Variants in TPR observed in about 807,000 individuals in gnomAD.
TPR encodes the protein translocated promoter region, nuclear basket protein, also known as nucleoprotein TPR.
A neutral mutation model predicts 316.1 loss-of-function variants in TPR; 51 were observed. The ratio of observed to expected loss-of-function variants is 0.16; its 90% CI spans 0.13 to 0.20. The LOEUF (loss-of-function observed/expected upper bound fraction) is 0.20, where lower values mean the gene tolerates loss of function less well. Among genes scored for constraint, TPR ranks in the 10% least tolerant of loss-of-function variants. The probability of loss-of-function intolerance (pLI) is 1.00; values close to 1 mark genes in which losing one functional copy is unlikely to be tolerated. For missense variants in TPR, 2,272 were observed against 2,754.8 expected, an observed-to-expected ratio of 0.82 and a Z score of 3.92; for synonymous variants, 981 against 914.7, an observed-to-expected ratio of 1.07 and a Z score of -1.31.
At chr1:186,369,958 A>AGATCCAT (rs1166351501) in intron 3 of TPR, among the ~76,000 whole-genome samples, 1 of 152,052 alleles carries the variant, frequency 6.6e-6, no homozygotes, top group Non-Finnish European at 1.5e-5. Flanking sequence ...CCTCGGTTAC[A>AGATCCAT]GATCCATAGT....
intron 49 of TPR, among the ~76,000 whole-genome samples, chr1:186,315,371 C>G (rs1395254499): frequency 1.3e-5 from 2 of 152,012 alleles, no homozygotes; most frequent in African/African-American, 4.8e-5. Flanking sequence ...AACAAAATAT[C>G]AAGTCCCTCA....
chr1:186,345,559 T>C, intron 24 of TPR, 21 bp downstream of exon 24: 1 of 1,552,618 alleles, frequency 6.4e-7, no homozygotes, highest in Non-Finnish European at 8.9e-7. Context: ...AGCTCATTTC[T>C]CAATAATTGG....
chr1:186,332,907 TGTTA>T (rs1270897545), intron 37 of TPR, among the ~76,000 whole-genome samples: 2 of 152,136 alleles, frequency 1.3e-5, no homozygotes, highest in African/African-American at 4.8e-5. Context: ...TGAAATAAAA[TGTTA>T]GTAATATATT....
intron 42 of TPR, among the ~76,000 whole-genome samples, chr1:186,325,070 A>ATAAAGGG (rs1657879298): frequency 6.6e-6 from 1 of 152,134 alleles, no homozygotes. Context: ...TAAAATGAGA[A>ATAAAGGG]TATATCTTGC....
Position 186,334,377 on chromosome 1 carries a change from A to G in TPR, c.5130T>C (p.Thr1710=). The G allele has an allele frequency of 6.2e-7, 1 of 1,613,486 alleles. No homozygotes were observed. Among genetic ancestry groups the G allele is most frequent in the Non-Finnish European group, 8.5e-7 (1 of 1,179,658 alleles). Residue 1710 remains threonine, a synonymous_variant, in exon 36 of 51, where the codon ACT becomes ACC. Coordinates refer to ENST00000367478, the MANE Select transcript of TPR (RefSeq NM_003292.3). ...MVTPATVTNP[T]TTPTATVMPT... is the part of the protein sequence containing the mutation. Reference sequence around the variant, plus strand: ...GCATCACTGTAGCTGTTGGGGTAGTAGTGGGATTTGTAACAGTTGCAGGTG... The same window carrying G: ...GCATCACTGTAGCTGTTGGGGTAGTGGTGGGATTTGTAACAGTTGCAGGTG...
At chr1:186,323,963 T>C in intron 42 of TPR, 93 bp from the exon 43 acceptor site, 3 of 1,284,846 alleles carry the variant, frequency 2.3e-6, no homozygotes, top group Non-Finnish European at 3.2e-6. Flanking sequence ...CCAACAGGAA[T>C]GTTCACCGTA....
At position 186,333,179 on chromosome 1, in the gene TPR, C is replaced by T. The variant is rs1658226084; in HGVS notation, c.5398G>A (p.Val1800Ile). 1 of 1,613,536 alleles carries T rather than the reference C, an allele frequency of 6.2e-7. No individual in the cohort carries two copies. ...CGCTCAACTGGTGAACTCTGAACAA[C>T]CTCTACTATGTTTGAAGATAACTCT... is the stretch of plus-strand genomic sequence containing the variant. Reference protein sequence around the residue: ...NQELSSNIVEVVQSSPVERPS... With the variant: ...NQELSSNIVEIVQSSPVERPS... Residue 1800 changes from valine to isoleucine, a missense_variant, in exon 37 of 51, where the codon GTT (valine) becomes ATT (isoleucine). Coordinates refer to ENST00000367478, the MANE Select transcript of TPR (RefSeq NM_003292.3).
chr1:186,368,699 T>C (rs1300931018), intron 3 of TPR, among the ~76,000 whole-genome samples: 1 of 152,230 alleles, frequency 6.6e-6, no homozygotes, highest in Non-Finnish European at 1.5e-5. Flanking sequence ...AAGCTACCTA[T>C]GTCAGAACTG....
chr1:186,349,422 G>T (rs752812749), intron 21 of TPR, among the ~76,000 whole-genome samples: 14 of 152,130 alleles, frequency 9.2e-5, no homozygotes, highest in Non-Finnish European at 1.8e-4. Context: ...GGGAGGCCGC[G>T]GCGGGCAGAG....
In TPR at chr1:186,334,973, A is replaced by G. The variant is rs190490101; in HGVS notation, c.4973+95T>C. The stretch of plus-strand genomic sequence containing the variant: ...TCTTTAGTGTATGTTTTTACAATAG[A>G]ATACACAGATTTCTTTTTCCTAAAC... On this transcript the variant is annotated intron_variant, in intron 35 of 50. Coordinates refer to ENST00000367478, the MANE Select transcript of TPR (RefSeq NM_003292.3). 3.5e-5 allele frequency: 44 copies of G among 1,269,626 alleles called. 1 individual carries two copies. In the Middle Eastern group the frequency reaches 8.7e-4, roughly 25 times the overall value. The allele number at this position is 1,269,626 out of a possible 1,614,324, so 78.6% of individuals were successfully genotyped here. A position where few individuals can be genotyped will look rare whatever the true frequency, so the allele number is the denominator to read the frequency against.
chr1:186,346,273 C>T lies in TPR; in HGVS notation c.2958G>A (p.Val986=), dbSNP rs2101969849. 6.2e-7 allele frequency: 1 copy of T among 1,612,512 alleles called. No homozygotes were observed. Among genetic ancestry groups the T allele is most frequent in the Non-Finnish European group, 8.5e-7 (1 of 1,179,414 alleles). The change falls in exon 23 of 51, where the codon GTG becomes GTA. Residue 986 remains valine (V), a synonymous_variant. Transcript: ENST00000367478. ...TTAAACGAACTTCAATATTCTTACG[C>T]ACTTCTTCTGTCACCTTTACCATAT... ...LNKEKQVTEE[V]RKNIEVRLKE...
intron 11 of TPR, 67 bp from the exon 12 acceptor site, chr1:186,360,063 T>G: frequency 6.6e-7 from 1 of 1,516,404 alleles, no homozygotes; most frequent in Non-Finnish European, 9.0e-7. Flanking sequence ...TGATCTAGTT[T>G]CATAATAAAC....
Position 186,313,046 on chromosome 1 carries a change from G to A in TPR, c.*925C>T. 3.7e-6 allele frequency: 3 copies of A among 818,928 alleles called. No homozygotes were observed. Among genetic ancestry groups the A allele is most frequent in the Non-Finnish European group, 5.8e-6 (3 of 514,708 alleles). 50.7% of individuals were successfully genotyped at this position (818,928 alleles called of 1,614,324 possible). ...GCTGTGGAAAAGAGTTAAGACTTTT[G>A]CTTTAATTTCAATTAAAATGATGGC... On this transcript the variant is annotated 3_prime_UTR_variant, in exon 51 of 51. Coordinates refer to ENST00000367478, the MANE Select transcript of TPR (RefSeq NM_003292.3).
In TPR at chr1:186,351,447, T is replaced by C. The variant is rs200699561; in HGVS notation, c.2493A>G (p.Thr831=). The C allele has an allele frequency of 3.1e-6, 5 of 1,609,690 alleles. No homozygotes were observed. The highest frequency in any genetic ancestry group is 1.3e-5 in the African/African-American group (1 of 74,922). The change falls in exon 20 of 51, where the codon ACA becomes ACG. Residue 831 remains threonine, a synonymous_variant. Transcript: ENST00000367478. ...TIQGILERSE[T]ETKQRLSSQI... Reference sequence around the variant, plus strand: ...GGCTACTAAGCCTTTGTTTGGTTTCTGTTTCAGATCGCTCCAGTATTCCCT... The same window carrying C: ...GGCTACTAAGCCTTTGTTTGGTTTCCGTTTCAGATCGCTCCAGTATTCCCT...
At position 186,368,000 on chromosome 1, in the gene TPR, A is replaced by G. The variant is rs774712203; in HGVS notation, c.331-18T>C. ...AATTGGCTCTGTCATATAAAGAAGTAATAAGTAAGAAAATCAAGTAGAGCA... is the reference window on the plus strand; with the variant it reads ...AATTGGCTCTGTCATATAAAGAAGTGATAAGTAAGAAAATCAAGTAGAGCA... On this transcript the variant is annotated intron_variant, in intron 3 of 50. Coordinates refer to ENST00000367478, the MANE Select transcript of TPR (RefSeq NM_003292.3). 8.9e-6 allele frequency: 14 copies of G among 1,573,614 alleles called. No homozygotes were observed. The highest frequency in any genetic ancestry group is 1.2e-5 in the Non-Finnish European group (14 of 1,150,440).
chr1:186,322,846 A>G (rs1439330145), intron 43 of TPR: 1 of 440,862 alleles, frequency 2.3e-6, no homozygotes, highest in East Asian at 3.9e-5. Context: ...AAACAGATCT[A>G]TGATACCATC....
intron 12 of TPR, 46 bp downstream of exon 12, chr1:186,359,752 TC>T (rs1353398372): frequency 6.5e-7 from 1 of 1,539,718 alleles, no homozygotes; most frequent in Non-Finnish European, 8.7e-7. Flanking sequence ...GTAAATCATT[TC>T]TCATTTGTAT....
intron 49 of TPR, 99 bp from the exon 50 acceptor site, chr1:186,314,823 T>A: frequency 1.5e-6 from 1 of 657,314 alleles, no homozygotes; most frequent in Non-Finnish European, 2.5e-6. Flanking sequence ...GAATAAGATG[T>A]AGACTTGTTC....
At chr1:186,361,585 T>G in intron 9 of TPR, 37 bp downstream of exon 9, 1 of 1,549,144 alleles carries the variant, frequency 6.5e-7, no homozygotes, top group South Asian at 1.1e-5. Context: ...AAGAGTACAA[T>G]AACAAAAATA....
Sources: allele counts gnomAD v4.1 joint callset (sites outside exome capture counted in the v4.1 genomes callset), GRCh38; gene constraint gnomAD v4.1.1; transcripts MANE v1.5; gene names NCBI Gene and HGNC (gene_info 2026-07-23, HGNC 2026-07-21).